Variants in GRIP1 observed in about 807,000 individuals in gnomAD.
The protein encoded by GRIP1 is glutamate receptor interacting protein 1.
A neutral mutation model predicts 129.9 loss-of-function variants in GRIP1; 45 were observed. That is an observed-to-expected ratio of 0.35 (90% confidence interval 0.27 to 0.44). The LOEUF (loss-of-function observed/expected upper bound fraction) is 0.44. GRIP1 is among the 20% of genes least tolerant of loss of function. The probability of loss-of-function intolerance (pLI) is 1.00; values close to 1 mark genes in which losing one functional copy is unlikely to be tolerated. For synonymous variants in GRIP1, 530 were observed against 520.8 expected, an observed-to-expected ratio of 1.02 and a Z score of -0.24; for missense variants, 1,196 against 1,396.8, an observed-to-expected ratio of 0.86 and a Z score of 2.29.
At chr12:66,958,335 G>T (rs145211298) in intron 1 of GRIP1, among the ~76,000 whole-genome samples, 1 of 152,062 alleles carries the variant, frequency 6.6e-6, no homozygotes, top group Non-Finnish European at 1.5e-5. Context: ...ATCCCACTGC[G>T]TGGGCCAGGC....
intron 23 of GRIP1, among the ~76,000 whole-genome samples, chr12:66,367,108 T>A (rs1411565787): frequency 6.6e-6 from 1 of 152,188 alleles, no homozygotes; most frequent in Non-Finnish European, 1.5e-5. Flanking sequence ...ACAGATTAAG[T>A]GGACACCAAA....
chr12:66,834,177 C>CTAA, intron 1 of GRIP1, among the ~76,000 whole-genome samples: 1 of 95,218 alleles, frequency 1.1e-5, no homozygotes, highest in Non-Finnish European at 1.9e-5. Flanking sequence ...GACTTCATCT[C>CTAA]AAAAAAAAAA....
At position 66,439,260 on chromosome 12, in the gene GRIP1, C is replaced by T. The variant is rs977699243; in HGVS notation, c.1687+5324G>A. ...TGTGTTCCCAATTCTCAGATCTCTC[C>T]TGGTTGAGGATCTTTACCTCCACTC... On this transcript the variant is annotated intron_variant, in intron 13 of 24. Transcript: ENST00000359742. Among the ~76,000 whole-genome samples the T allele has an allele frequency of 3.9e-5, 6 of 152,234 alleles. No homozygotes were observed. In the East Asian group the frequency reaches 1.2e-3, roughly 29 times the overall value.
At chr12:66,480,132 T>C (rs1196511678) in intron 7 of GRIP1, among the ~76,000 whole-genome samples, 3 of 152,116 alleles carry the variant, frequency 2.0e-5, no homozygotes, top group South Asian at 2.1e-4. Context: ...TCAAATTGTG[T>C]CTGTTTGCAG....
At chr12:66,544,022 G>A (rs1184068829) in intron 2 of GRIP1, among the ~76,000 whole-genome samples, 1 of 152,172 alleles carries the variant, frequency 6.6e-6, no homozygotes. Context: ...CACGGGTACA[G>A]CCTTATGGGA....
chr12:66,794,411 A>T (rs1396330576), intron 1 of GRIP1, among the ~76,000 whole-genome samples: 1 of 152,174 alleles, frequency 6.6e-6, no homozygotes, highest in Non-Finnish European at 1.5e-5. Context: ...TATGTAAGTA[A>T]TCACAAAACG....
intron 14 of GRIP1, among the ~76,000 whole-genome samples, chr12:66,427,591 A>G (rs1209850778): frequency 1.3e-5 from 2 of 152,156 alleles, no homozygotes; most frequent in African/African-American, 4.8e-5. Flanking sequence ...AAAAGATAAT[A>G]TATTAACATA....
At chr12:66,980,750 C>T (rs2042231717) in intron 1 of GRIP1, among the ~76,000 whole-genome samples, 2 of 152,132 alleles carry the variant, frequency 1.3e-5, no homozygotes, top group African/African-American at 4.8e-5. Flanking sequence ...TTTGATGACC[C>T]CAGGCAGACT....
At chr12:66,660,287 T>TAAC (rs1450814032) in intron 1 of GRIP1, among the ~76,000 whole-genome samples, 1 of 151,848 alleles carries the variant, frequency 6.6e-6, no homozygotes, top group Non-Finnish European at 1.5e-5. Context: ...TATCATAATA[T>TAAC]ATCTCCTATT....
At chr12:66,877,442 A>G (rs1387928762) in intron 1 of GRIP1, among the ~76,000 whole-genome samples, 1 of 152,088 alleles carries the variant, frequency 6.6e-6, no homozygotes, top group African/African-American at 2.4e-5. Context: ...CTGTTCTCAT[A>G]CAATAAAGAA....
intron 1 of GRIP1, among the ~76,000 whole-genome samples, chr12:66,667,662 T>C (rs2033870167): frequency 6.6e-6 from 1 of 152,126 alleles, no homozygotes; most frequent in South Asian, 2.1e-4. Context: ...GGCAGTACAC[T>C]TGCCTATTCC....
chr12:66,944,659 G>A (rs1258106364), intron 1 of GRIP1, among the ~76,000 whole-genome samples: 1 of 152,136 alleles, frequency 6.6e-6, no homozygotes, highest in Admixed American at 6.5e-5. Flanking sequence ...TAACACATAA[G>A]GTCCGAAAGG....
At chr12:66,433,753 T>C (rs1044853971) in intron 13 of GRIP1, among the ~76,000 whole-genome samples, 7 of 152,176 alleles carry the variant, frequency 4.6e-5, no homozygotes, top group Non-Finnish European at 7.3e-5. Context: ...CTGATGGTTT[T>C]GGAAAGAAGT....
chr12:66,657,483 T>C (rs2033233927), intron 1 of GRIP1, among the ~76,000 whole-genome samples: 1 of 152,216 alleles, frequency 6.6e-6, no homozygotes, highest in African/African-American at 2.4e-5. Flanking sequence ...AAACTGAGCC[T>C]CTATTCAAGC....
intron 1 of GRIP1, among the ~76,000 whole-genome samples, chr12:66,863,013 C>T (rs931345763): frequency 5.3e-5 from 8 of 151,414 alleles, no homozygotes; most frequent in Non-Finnish European, 1.0e-4. Flanking sequence ...TGGATGATAA[C>T]GTAGCATCTG....
rs369785091 is a variant in GRIP1, at chr12:66,767,294, A to T, written c.-420+36759T>A. Among the ~76,000 whole-genome samples the T allele has an allele frequency of 1.1e-4, 17 of 152,200 alleles. No homozygotes were observed. In the South Asian group the frequency reaches 1.2e-3, roughly 11 times the overall value. The stretch of plus-strand genomic sequence containing the variant: ...TTTAACAAGATGTCTTCTCTGAGGG[A>T]TGAAGAGTGAGGAGGAGGGGAGGAG... On this transcript the variant is annotated intron_variant, in intron 1 of 4. Transcript: ENST00000538373.
intron 24 of GRIP1, among the ~76,000 whole-genome samples, chr12:66,349,470 C>T (rs917751470): frequency 6.6e-6 from 1 of 152,164 alleles, no homozygotes; most frequent in Admixed American, 6.5e-5. Flanking sequence ...CATACACATC[C>T]TACCTATCCT....
intron 1 of GRIP1, among the ~76,000 whole-genome samples, chr12:66,870,689 G>C (rs1296918656): frequency 6.6e-6 from 1 of 152,144 alleles, no homozygotes; most frequent in African/African-American, 2.4e-5. Flanking sequence ...CTGGGTTCAT[G>C]CTTCTGACAG....
rs565599259 is a variant in GRIP1 at position 67,068,488 on chromosome 12, A to G, written c.58+562T>C. Among the ~76,000 whole-genome samples, 5 of 151,456 alleles carry G rather than the reference A, an allele frequency of 3.3e-5. No homozygotes were observed. In the East Asian group the frequency reaches 9.9e-4, roughly 30 times the overall value. ...AATCTTTCCCCTCCTCTCCCCTTCT[A>G]GAGACCTGCGGCAGCGCCCCCTTGC... On this transcript the variant is annotated intron_variant, in intron 1 of 1. Coordinates refer to the GRIP1 transcript ENST00000643019.
Sources: allele counts gnomAD v4.1 joint callset (sites outside exome capture counted in the v4.1 genomes callset), GRCh38; gene constraint gnomAD v4.1.1; transcripts MANE v1.5; gene names NCBI Gene and HGNC (gene_info 2026-07-23, HGNC 2026-07-21).